BANK1: variants seen among roughly 807,000 people sequenced by gnomAD.
BANK1 encodes B cell scaffold protein with ankyrin repeats 1.
Under a neutral mutation model 94.5 loss-of-function variants are expected in BANK1, and 95 were observed. The ratio of observed to expected loss-of-function variants is 1.00; its 90% CI spans 0.85 to 1.19. The LOEUF is 1.19. Ranked by LOEUF, BANK1 falls within the 50% of genes most tolerant of loss-of-function variation. BANK1 has a pLI of 0.00. For synonymous variants in BANK1, 334 were observed against 308.4 expected, an observed-to-expected ratio of 1.08 and a Z score of -0.87; for missense variants, 987 against 932.2, an observed-to-expected ratio of 1.06 and a Z score of -0.77.
chr4:102,013,064 C>T (rs895365421), intron 7 of BANK1, among the ~76,000 whole-genome samples: 2 of 152,060 alleles, frequency 1.3e-5, no homozygotes, highest in Non-Finnish European at 2.9e-5. Context: ...CTTTTATTAA[C>T]ATGATTTTGA....
At chr4:102,071,806 G>A (rs1052046803) in intron 14 of BANK1, among the ~76,000 whole-genome samples, 1 of 152,200 alleles carries the variant, frequency 6.6e-6, no homozygotes, top group African/African-American at 2.4e-5. Flanking sequence ...GTAAGGAGGA[G>A]CTAGACGTCA....
chr4:101,948,662 G>C (rs551397944), intron 7 of BANK1, among the ~76,000 whole-genome samples: 1 of 152,096 alleles, frequency 6.6e-6, no homozygotes, highest in Non-Finnish European at 1.5e-5. Flanking sequence ...AGTAGAGGTA[G>C]ACTAGAGTCT....
In BANK1 at chr4:101,835,229, A is replaced by T. The variant is rs185865297; in HGVS notation, c.469+5023A>T. 1.4e-4 allele frequency among the ~76,000 whole-genome samples: 22 copies of T among 152,340 alleles called. No homozygotes were observed. In the East Asian group the frequency reaches 3.5e-3, roughly 24 times the overall value. ...ATAAGCTGATCTGAAATTGTTATAA[A>T]ATCAACTGCCGTTTCTGAATATCAC... On this transcript the variant is annotated intron_variant, in intron 2 of 16. Transcript: ENST00000322953.
chr4:101,912,175 T>G (rs746006522), intron 6 of BANK1, among the ~76,000 whole-genome samples: 1 of 152,128 alleles, frequency 6.6e-6, no homozygotes. Context: ...TCCTCAAACG[T>G]CTGAAATTCT....
Position 102,073,665 on chromosome 4 carries a change from T to TATC in BANK1, c.2299-18_2299-16dup, listed in dbSNP as rs765365615. The TATC allele has an allele frequency of 2.1e-5, 33 of 1,607,244 alleles. No homozygotes were observed. The highest frequency in any genetic ancestry group is 2.7e-5 in the Non-Finnish European group (32 of 1,175,750). ...GACAAATCGAGAAATACTAGCTCTA[T>TATC]ATCTTTATTTTTTTTCAGCTTCCTG... is the stretch of plus-strand genomic sequence containing the variant. On this transcript the variant is annotated intron_variant, in intron 15 of 16. Coordinates refer to ENST00000322953, the MANE Select transcript of BANK1 (RefSeq NM_017935.5).
In BANK1 at chr4:101,835,240, G is replaced by A. The variant is rs58271937; in HGVS notation, c.469+5034G>A. Among the ~76,000 whole-genome samples, 603 of 152,236 alleles carry A rather than the reference G, an allele frequency of 4.0e-3. 3 individuals carry two copies. The highest frequency in any genetic ancestry group is 0.014 in the African/African-American group (572 of 41,534). On this transcript the variant is annotated intron_variant, in intron 2 of 16. Transcript: ENST00000322953. ...TGAAATTGTTATAAAATCAACTGCC[G>A]TTTCTGAATATCACCAACATGTACT...
chr4:101,839,944 T>TA (rs1726973326), intron 2 of BANK1, among the ~76,000 whole-genome samples: 1 of 17,952 alleles, frequency 5.6e-5, no homozygotes, highest in African/African-American at 1.9e-4. Flanking sequence ...TTAATTTTTT[T>TA]TTTTTTTTTT....
intron 3 of BANK1, among the ~76,000 whole-genome samples, chr4:101,860,028 G>A (rs1288075712): frequency 6.6e-6 from 1 of 152,158 alleles, no homozygotes; most frequent in Non-Finnish European, 1.5e-5. Flanking sequence ...AACTCTTTGT[G>A]AGCTGAAGTT....
chr4:102,055,336 A>T (rs933118135), intron 11 of BANK1, among the ~76,000 whole-genome samples: 39 of 150,590 alleles, frequency 2.6e-4, no homozygotes, highest in African/African-American at 9.4e-4. Context: ...CATAATTTTT[A>T]AAAAATCTTA....
At chr4:101,944,338 G>A (rs1366980401) in intron 7 of BANK1, among the ~76,000 whole-genome samples, 1 of 151,744 alleles carries the variant, frequency 6.6e-6, no homozygotes, top group Admixed American at 6.6e-5. Flanking sequence ...CAGCCATTTG[G>A]ACCTCCCTTG....
chr4:102,016,718 C>T (rs1726713135), intron 7 of BANK1, among the ~76,000 whole-genome samples: 3 of 152,162 alleles, frequency 2.0e-5, no homozygotes. Context: ...ACCTTCTCTC[C>T]TGATTTTTCT....
At chr4:101,992,867 C>T (rs544065097) in intron 7 of BANK1, among the ~76,000 whole-genome samples, 1 of 152,262 alleles carries the variant, frequency 6.6e-6, no homozygotes, top group African/African-American at 2.4e-5. Flanking sequence ...ACTTAAGAAG[C>T]ACCACCACCA....
At chr4:102,036,569 A>G (rs1413117167) in intron 10 of BANK1, 1 of 152,164 alleles carries the variant, frequency 6.6e-6, no homozygotes, top group Non-Finnish European at 1.5e-5. Context: ...GAATAGTGAC[A>G]TATTTATCAT....
intron 4 of BANK1, among the ~76,000 whole-genome samples, chr4:101,865,170 G>A (rs1383594713): frequency 6.6e-6 from 1 of 152,060 alleles, no homozygotes; most frequent in Admixed American, 6.6e-5. Context: ...ATTGTCTTCT[G>A]AACTCTGACA....
chr4:101,804,502 G>T lies in BANK1; in HGVS notation c.70+13552G>T, dbSNP rs1003095959. ...CATGGGAAGTACCACTAGTGATGCT[G>T]GTAGTACTCCCAAGAAGAAGAGAAA... On this transcript the variant is annotated intron_variant, in intron 1 of 16. Coordinates refer to ENST00000322953, the MANE Select transcript of BANK1 (RefSeq NM_017935.5). Among the ~76,000 whole-genome samples, 6 of 152,098 alleles carry T rather than the reference G, an allele frequency of 3.9e-5. No homozygotes were observed. The East Asian group carries it at 1.2e-3, about 29-fold the overall frequency.
intron 7 of BANK1, among the ~76,000 whole-genome samples, chr4:102,011,760 T>C (rs549654878): frequency 6.6e-6 from 1 of 152,354 alleles, no homozygotes; most frequent in Admixed American, 6.5e-5. Context: ...ATTTATATTT[T>C]AAGAGGTTCA....
intron 2 of BANK1, among the ~76,000 whole-genome samples, chr4:101,844,561 G>A (rs1394302045): frequency 2.0e-5 from 3 of 152,202 alleles, no homozygotes; most frequent in Non-Finnish European, 1.5e-5. Flanking sequence ...TACCCTCAGT[G>A]CAAAGTATGA....
intron 13 of BANK1, among the ~76,000 whole-genome samples, chr4:102,069,666 C>T (rs1391136065): frequency 6.6e-6 from 1 of 152,160 alleles, no homozygotes; most frequent in African/African-American, 2.4e-5. Context: ...CAGTTTCATT[C>T]ATAATATCCA....
chr4:101,829,094 C>T (rs1176979734), intron 1 of BANK1, among the ~76,000 whole-genome samples: 3 of 152,104 alleles, frequency 2.0e-5, no homozygotes, highest in South Asian at 4.2e-4. Context: ...GATCTCCTGA[C>T]CTCGTGATCA....
Sources: allele counts gnomAD v4.1 joint callset (sites outside exome capture counted in the v4.1 genomes callset), GRCh38; gene constraint gnomAD v4.1.1; transcripts MANE v1.5; gene names NCBI Gene and HGNC (gene_info 2026-07-23, HGNC 2026-07-21).